The following AGBL4 variants were observed in gnomAD, a reference collection of about 807,000 sequenced individuals.
AGBL4 encodes cytosolic carboxypeptidase 6.
AGBL4 carries 58 observed loss-of-function variants against 66.4 expected under a neutral mutation model. That is an observed-to-expected ratio of 0.87 (90% CI 0.71 to 1.09). The LOEUF (loss-of-function observed/expected upper bound fraction) is 1.09. AGBL4 is among the 50% of genes least tolerant of loss of function. The pLI is 0.00. For missense variants in AGBL4, 579 were observed against 631.0 expected (o/e 0.92, Z 0.88); for synonymous variants, 234 against 222.9 (o/e 1.05, Z -0.44).
intron 2 of AGBL4, among the ~76,000 whole-genome samples, chr1:49,738,069 G>A (rs551491018): frequency 6.6e-6 from 1 of 152,212 alleles, no homozygotes; most frequent in Non-Finnish European, 1.5e-5. Context: ...GCAGGACAGT[G>A]GGTGCAGCGC....
At chr1:48,884,324 G>A (rs1238058673) in intron 5 of AGBL4, among the ~76,000 whole-genome samples, 1 of 127,328 alleles carries the variant, frequency 7.9e-6, no homozygotes, top group Non-Finnish European at 1.8e-5. Flanking sequence ...TTGTTTTTAG[G>A]TGGCATAAGC....
intron 5 of AGBL4, among the ~76,000 whole-genome samples, chr1:48,981,437 G>GA (rs545229105): frequency 1.5e-3 from 231 of 151,908 alleles, no homozygotes; most frequent in African/African-American, 5.2e-3. Context: ...TTATGTAGAG[G>GA]AAAAAAAATT....
chr1:49,697,647 T>C (rs2124616507), intron 2 of AGBL4, among the ~76,000 whole-genome samples: 1 of 152,290 alleles, frequency 6.6e-6, no homozygotes, highest in East Asian at 1.9e-4. Flanking sequence ...TGCAAGCTTC[T>C]CTGCCTGGCC....
chr1:48,930,240 A>G (rs1388155410), intron 5 of AGBL4, among the ~76,000 whole-genome samples: 1 of 151,670 alleles, frequency 6.6e-6, no homozygotes, highest in Non-Finnish European at 1.5e-5. Flanking sequence ...TCAATTCATA[A>G]CTAGGCTTCT....
At chr1:48,716,258 C>A (rs932451245) in intron 6 of AGBL4, among the ~76,000 whole-genome samples, 5 of 152,088 alleles carry the variant, frequency 3.3e-5, no homozygotes, top group Non-Finnish European at 5.9e-5. Context: ...TGGTTTCTTG[C>A]GGTTGAGGAG....
intron 8 of AGBL4, chr1:48,647,572 T>C (rs1357728713): frequency 1.1e-5 from 5 of 449,492 alleles, no homozygotes; most frequent in Non-Finnish European, 1.8e-5. Flanking sequence ...TGTTTACTTA[T>C]ACGTGGCTCT....
chr1:49,576,415 C>T (rs1175617716), intron 3 of AGBL4, among the ~76,000 whole-genome samples: 3 of 152,144 alleles, frequency 2.0e-5, no homozygotes, highest in Admixed American at 6.5e-5. Flanking sequence ...AGCAGGCCAC[C>T]ATATGTGAAT....
intron 1 of AGBL4, among the ~76,000 whole-genome samples, chr1:49,950,065 CATATATATACACATATGTGT>C (rs1183225620): frequency 2.7e-4 from 37 of 137,206 alleles, no homozygotes; most frequent in East Asian, 8.5e-4. Context: ...TATATACACA[CATATATATACACATATGTGT>C]ATATATATAC....
chr1:48,889,560 T>C (rs1650711339), intron 5 of AGBL4, among the ~76,000 whole-genome samples: 1 of 152,226 alleles, frequency 6.6e-6, no homozygotes. Flanking sequence ...GAAGATCTTA[T>C]AAGGCTTTCG....
At chr1:49,764,816 C>A (rs745340138) in intron 2 of AGBL4, among the ~76,000 whole-genome samples, 1 of 152,124 alleles carries the variant, frequency 6.6e-6, no homozygotes, top group Non-Finnish European at 1.5e-5. Flanking sequence ...GCCCTTAAAC[C>A]ACTCCCATGG....
chr1:49,442,096 G>A (rs531711364), intron 3 of AGBL4, among the ~76,000 whole-genome samples: 104 of 152,198 alleles, frequency 6.8e-4, no homozygotes, highest in African/African-American at 2.4e-3. Context: ...ATCCAGTGTT[G>A]TCTTATTTAA....
rs1302878783 is a variant in AGBL4 at position 49,298,605 on chromosome 1, T to C, written c.283-52741A>G. ...ACTGCCTCCCAGTGGCCCTGGATCA[T>C]TGAGGGGTGCCTGGCCTCTCCTTCC... On this transcript the variant is annotated intron_variant, in intron 3 of 13. Coordinates refer to ENST00000371839, the MANE Select transcript of AGBL4 (RefSeq NM_032785.4). Among the ~76,000 whole-genome samples, 8 of 152,138 alleles carry C rather than the reference T, an allele frequency of 5.3e-5. No individual in the cohort carries two copies. The East Asian group carries it at 1.2e-3, about 22-fold the overall frequency.
chr1:49,975,849 C>A (rs1046421730), intron 1 of AGBL4, among the ~76,000 whole-genome samples: 1 of 152,184 alleles, frequency 6.6e-6, no homozygotes, highest in South Asian at 2.1e-4. Context: ...ATTATTACTA[C>A]TACTAAGACC....
intron 4 of AGBL4, among the ~76,000 whole-genome samples, chr1:49,223,238 T>A (rs559300409): frequency 6.6e-6 from 1 of 151,940 alleles, no homozygotes; most frequent in Admixed American, 6.6e-5. Flanking sequence ...AATACCAAGA[T>A]GGTAAGAGAA....
At chr1:48,565,221 G>A (rs1038747786) in intron 11 of AGBL4, among the ~76,000 whole-genome samples, 3 of 152,272 alleles carry the variant, frequency 2.0e-5, no homozygotes, top group Non-Finnish European at 2.9e-5. Context: ...CCTCTCCCAA[G>A]AGCTTGATCC....
At chr1:49,172,239 G>T (rs1484683465) in intron 4 of AGBL4, among the ~76,000 whole-genome samples, 3 of 152,148 alleles carry the variant, frequency 2.0e-5, no homozygotes, top group Admixed American at 6.5e-5. Context: ...AAGCCCTGAG[G>T]ATATATATTA....
chr1:49,040,857 C>T (rs771691110), intron 5 of AGBL4, among the ~76,000 whole-genome samples: 8 of 152,028 alleles, frequency 5.3e-5, no homozygotes, highest in African/African-American at 1.2e-4. Context: ...TTACACAACT[C>T]TATAAAAATC....
intron 6 of AGBL4, among the ~76,000 whole-genome samples, chr1:48,685,811 C>T (rs562740066): frequency 6.6e-6 from 1 of 152,230 alleles, no homozygotes; most frequent in South Asian, 2.1e-4. Context: ...TAAAATCTAC[C>T]TCCCATGAAG....
chr1:49,917,592 T>C lies in AGBL4; in HGVS notation c.35-66074A>G, dbSNP rs190953265. On this transcript the variant is annotated intron_variant, in intron 1 of 13. Coordinates refer to ENST00000371839, the MANE Select transcript of AGBL4 (RefSeq NM_032785.4). ...CACCAAGATTCATAAAGCAAGTCCT[T>C]AGAGACCTACAAAGAGACTTAGACT... Among the ~76,000 whole-genome samples the C allele has an allele frequency of 4.6e-4, 70 of 152,178 alleles. 1 individual carries two copies. Among genetic ancestry groups the C allele is most frequent in the African/African-American group, 1.5e-3 (63 of 41,522 alleles).
Sources: gnomAD v4.1 joint callset for allele counts (sites outside exome capture counted in the v4.1 genomes callset) on GRCh38, gnomAD v4.1.1 for gene constraint, MANE v1.5 for transcripts, NCBI Gene and HGNC (gene_info 2026-07-23, HGNC 2026-07-21) for gene names.